The following COPA variants were observed in gnomAD, a reference collection of about 807,000 sequenced individuals.
COPA encodes coat protein complex I subunit alpha.
A neutral mutation model predicts 158.7 loss-of-function variants in COPA; 10 were observed. The ratio of observed to expected loss-of-function variants is 0.06; its 90% CI spans 0.04 to 0.11. The LOEUF is 0.11. Among genes scored for constraint, COPA ranks in the 10% least tolerant of loss-of-function variants. COPA has a pLI of 1.00. For missense variants in COPA, 1,065 were observed against 1,536.7 expected, an observed-to-expected ratio of 0.69 and a Z score of 5.13; for synonymous variants, 462 against 542.8, an observed-to-expected ratio of 0.85 and a Z score of 2.07.
At chr1:160,334,329 C>T (rs774938877) in intron 4 of COPA, among the ~76,000 whole-genome samples, 5 of 152,148 alleles carry the variant, frequency 3.3e-5, no homozygotes, top group Non-Finnish European at 5.9e-5. Flanking sequence ...GTATAAGGCA[C>T]ACACATATTT....
chr1:160,299,692 T>G (rs1362891941), intron 17 of COPA, among the ~76,000 whole-genome samples: 1 of 152,198 alleles, frequency 6.6e-6, no homozygotes, highest in African/African-American at 2.4e-5. Flanking sequence ...AATTGAAGTT[T>G]GTCAATATAG....
At chr1:160,310,899 AG>A (rs368519491) in intron 11 of COPA, among the ~76,000 whole-genome samples, 89 of 152,298 alleles carry the variant, frequency 5.8e-4, no homozygotes, top group African/African-American at 2.1e-3. Flanking sequence ...TGCCAAACAA[AG>A]GCGAAAAGTT....
At chr1:160,340,586 G>C (rs1220977222) in intron 1 of COPA, among the ~76,000 whole-genome samples, 2 of 152,140 alleles carry the variant, frequency 1.3e-5, no homozygotes, top group Non-Finnish European at 2.9e-5. Flanking sequence ...GGCTACAGCA[G>C]CCTTCATTCT....
intron 3 of COPA, among the ~76,000 whole-genome samples, chr1:160,335,922 G>A (rs573503080): frequency 2.7e-4 from 41 of 151,368 alleles, no homozygotes; most frequent in African/African-American, 9.4e-4. Flanking sequence ...TCTTTCTTTG[G>A]GAAGAAGCCA....
At chr1:160,325,716 T>A in intron 6 of COPA, 64 bp from the exon 7 acceptor site, 2 of 1,121,860 alleles carry the variant, frequency 1.8e-6, no homozygotes, top group Non-Finnish European at 2.7e-6. Context: ...CAGCACAGTA[T>A]CAGAAACACA....
At chr1:160,300,267 GA>G (rs1658553607) in intron 17 of COPA, among the ~76,000 whole-genome samples, 1 of 151,782 alleles carries the variant, frequency 6.6e-6, no homozygotes, top group African/African-American at 2.4e-5. Context: ...TTGAACCCGA[GA>G]GACGGAGGTT....
Position 160,297,292 on chromosome 1 carries a change from G to C in COPA, c.2263+51C>G, listed in dbSNP as rs574028428. On this transcript the variant is annotated intron_variant, in intron 21 of 32. Coordinates refer to ENST00000241704, the MANE Select transcript of COPA (RefSeq NM_004371.4). ...TACACAGATTAACTCAACAAAAACA[G>C]AAAAATACTTCCTCAGACCCTGAAA... 5 of 1,539,880 alleles carry C rather than the reference G, an allele frequency of 3.2e-6. No homozygotes were observed. The Admixed American group carries it at 8.4e-5, about 26-fold the overall frequency.
At chr1:160,311,452 T>A (rs560563672) in intron 11 of COPA, among the ~76,000 whole-genome samples, 16 of 147,258 alleles carry the variant, frequency 1.1e-4, no homozygotes, top group African/African-American at 4.0e-4. Flanking sequence ...AAAAAAAATT[T>A]AAAAATAAAT....
chr1:160,293,536 C>A, intron 25 of COPA, 73 bp from the exon 26 acceptor site: 1 of 1,194,166 alleles, frequency 8.4e-7, no homozygotes, highest in Non-Finnish European at 1.2e-6. Flanking sequence ...ACTCTGTCAC[C>A]TAGACTGGAG....
chr1:160,313,019 A>G (rs1659017543), intron 10 of COPA, 66 bp downstream of exon 10: 1 of 1,412,618 alleles, frequency 7.1e-7, no homozygotes, highest in African/African-American at 1.4e-5. Context: ...GACAAAGCTA[A>G]TAATCACTTT....
At chr1:160,330,323 A>C (rs1212973336) in intron 6 of COPA, among the ~76,000 whole-genome samples, 3 of 152,228 alleles carry the variant, frequency 2.0e-5, no homozygotes, top group Non-Finnish European at 4.4e-5. Context: ...ACAGGTTCAC[A>C]GTGCCTGTGT....
Position 160,297,618 on chromosome 1 carries a change from T to C in COPA, c.2105A>G (p.Lys702Arg), listed in dbSNP as rs946260744. 1 of 1,614,188 alleles carries C rather than the reference T, an allele frequency of 6.2e-7. No individual in the cohort carries two copies. Among genetic ancestry groups the C allele is most frequent in the Non-Finnish European group, 8.5e-7 (1 of 1,180,026 alleles). The change falls in exon 20 of 33, where the codon AAA becomes AGA. Residue 702 changes from lysine (K) to arginine (R), a missense_variant. Lys to Arg is a conservative substitution (Grantham distance 26). Coordinates refer to ENST00000241704, the MANE Select transcript of COPA (RefSeq NM_004371.4). ...AGTGATAAGATACAGGAAGGAAAGT[T>C]TGTCAAAGTTTTTGGTACGCTGATA... The part of the protein sequence containing the change: ...MCYQRTKNFD[K>R]LSFLYLITGN...
intron 8 of COPA, among the ~76,000 whole-genome samples, chr1:160,315,722 A>G (rs1336773358): frequency 6.6e-6 from 1 of 152,248 alleles, no homozygotes; most frequent in Non-Finnish European, 1.5e-5. Flanking sequence ...ATAGGTGTAT[A>G]CCCAAAATAA....
intron 6 of COPA, among the ~76,000 whole-genome samples, chr1:160,327,500 A>T (rs1280361602): frequency 1.3e-5 from 2 of 151,564 alleles, no homozygotes; most frequent in African/African-American, 4.9e-5. Context: ...CGGAGGTTGC[A>T]GTGAGCCAAG....
chr1:160,339,109 A>C (rs1647916192), intron 3 of COPA, among the ~76,000 whole-genome samples: 1 of 126,112 alleles, frequency 7.9e-6, no homozygotes, highest in African/African-American at 4.0e-5. Flanking sequence ...AAGTCAGCTC[A>C]TTTATTTCTC....
At chr1:160,290,249 G>C in intron 32 of COPA, 33 bp from the exon 33 acceptor site, 1 of 1,611,120 alleles carries the variant, frequency 6.2e-7, no homozygotes, top group Non-Finnish European at 8.5e-7. Context: ...ACAAGTTAGA[G>C]ATTTGTAAGA....
In COPA at chr1:160,291,206, AGCATTCTGTTG is replaced by A; in HGVS notation, c.3420+118_3420+128del. On this transcript the variant is annotated intron_variant, in intron 31 of 32. Transcript: ENST00000241704. ...CCAAGTCAGGAAGTAAACAGAGGGT[AGCATTCTGTTG>A]GCTTTTTGTTGAATGTTGTTATTTA... 5 of 995,710 alleles carry A rather than the reference AGCATTCTGTTG, an allele frequency of 5.0e-6. No individual in the cohort carries two copies. The South Asian group carries it at 7.7e-5, about 15-fold the overall frequency. The allele number at this position is 995,710 out of a possible 1,614,324, so 61.7% of individuals were successfully genotyped here.
intron 17 of COPA, among the ~76,000 whole-genome samples, chr1:160,301,867 A>C (rs1056269629): frequency 1.3e-5 from 2 of 151,880 alleles, no homozygotes; most frequent in African/African-American, 4.8e-5. Context: ...AAAAAAAAAA[A>C]CTCTTAGCAA....
At chr1:160,316,366 A>C (rs941479727) in intron 8 of COPA, among the ~76,000 whole-genome samples, 3 of 151,852 alleles carry the variant, frequency 2.0e-5, no homozygotes, top group Admixed American at 1.3e-4. Context: ...TTGAAAAAAA[A>C]AGAAGTCAGA....
Sources: gnomAD v4.1 joint callset for allele counts (sites outside exome capture counted in the v4.1 genomes callset) on GRCh38, gnomAD v4.1.1 for gene constraint, MANE v1.5 for transcripts, NCBI Gene and HGNC (gene_info 2026-07-23, HGNC 2026-07-21) for gene names.